The following ZBTB20 variants were observed in gnomAD, a reference collection of about 807,000 sequenced individuals.
The protein encoded by ZBTB20 is zinc finger and BTB domain containing 20, also known as zinc finger and BTB domain-containing protein 20.
Under a neutral mutation model 56.9 loss-of-function variants are expected in ZBTB20, and 9 were observed. That is an observed-to-expected ratio of 0.16 (90% confidence interval 0.10 to 0.28). The LOEUF (loss-of-function observed/expected upper bound fraction) is 0.28. Ranked by LOEUF, ZBTB20 falls within the 10% of genes least tolerant of loss-of-function variation. ZBTB20 has a pLI of 1.00. For synonymous variants in ZBTB20, 417 were observed against 420.7 expected, an observed-to-expected ratio of 0.99 and a Z score of 0.11; for missense variants, 655 against 1,003.0, an observed-to-expected ratio of 0.65 and a Z score of 4.69.
intron 3 of ZBTB20, among the ~76,000 whole-genome samples, chr3:114,941,611 T>C (rs1052131302): frequency 3.4e-5 from 5 of 146,338 alleles, no homozygotes; most frequent in Non-Finnish European, 7.4e-5. Context: ...AAAGACTCTA[T>C]AGCTTCTGGA....
At chr3:114,467,777 G>T (rs1390292273) in intron 7 of ZBTB20, among the ~76,000 whole-genome samples, 2 of 152,190 alleles carry the variant, frequency 1.3e-5, no homozygotes, top group African/African-American at 2.4e-5. Flanking sequence ...AAAGATAACT[G>T]AATTTTTATA....
chr3:114,630,038 G>A (rs1269991118), intron 6 of ZBTB20, among the ~76,000 whole-genome samples: 3 of 152,144 alleles, frequency 2.0e-5, no homozygotes, highest in Non-Finnish European at 2.9e-5. Context: ...TACTTGTGGG[G>A]CTGAGGTGAG....
rs763168827 is a variant in ZBTB20 at position 114,961,111 on chromosome 3, G to GT, written c.-456+13254dup. 7.5e-4 allele frequency among the ~76,000 whole-genome samples: 112 copies of GT among 148,724 alleles called. 1 individual carries two copies. Among genetic ancestry groups the GT allele is most frequent in the Admixed American group, 3.3e-3 (49 of 15,000 alleles). On this transcript the variant is annotated intron_variant, in intron 3 of 11. Coordinates refer to ENST00000675478, the MANE Select transcript of ZBTB20 (RefSeq NM_001348800.3). Reference sequence around the variant, plus strand: ...AAGAAATGTGAGTGTCCTTCTACAGGTAAAAAAAAAAAAAATACATGATAA... The same window carrying GT: ...AAGAAATGTGAGTGTCCTTCTACAGGTTAAAAAAAAAAAAAATACATGATAA...
intron 1 of ZBTB20, among the ~76,000 whole-genome samples, chr3:115,107,548 TG>T (rs1440613215): frequency 6.6e-6 from 1 of 152,206 alleles, no homozygotes; most frequent in Non-Finnish European, 1.5e-5. Context: ...TTTACACCAT[TG>T]GTGGGAATGT....
intron 7 of ZBTB20, among the ~76,000 whole-genome samples, chr3:114,440,887 T>C (rs1471427111): frequency 1.3e-5 from 2 of 152,186 alleles, no homozygotes; most frequent in African/African-American, 4.8e-5. Context: ...TGCTTTAACT[T>C]GGAACTATTC....
At chr3:114,778,351 A>G (rs2069791666) in intron 5 of ZBTB20, among the ~76,000 whole-genome samples, 1 of 150,980 alleles carries the variant, frequency 6.6e-6, no homozygotes, top group African/African-American at 2.4e-5. Context: ...CTCCATCTCA[A>G]AACAAAACAG....
chr3:114,323,296 C>T lies in ZBTB20; in HGVS notation c.*15709G>A, dbSNP rs1366182520. 5 of 152,340 alleles carry T rather than the reference C, an allele frequency of 3.3e-5. No homozygotes were observed. The East Asian group carries it at 9.6e-4, about 29-fold the overall frequency. The allele number at this position is 152,340 out of a possible 1,614,324, so 9.4% of individuals were successfully genotyped here. On this transcript the variant is annotated 3_prime_UTR_variant, in exon 12 of 12. Coordinates refer to ENST00000675478, the MANE Select transcript of ZBTB20 (RefSeq NM_001348800.3). The stretch of plus-strand genomic sequence containing the variant: ...GATGGAGCAGCTAGTATGTTCTAAT[C>T]CATCCTCCAATGTCCAAGTTGGCCT...
chr3:114,875,631 C>T (rs1267107400), intron 4 of ZBTB20, among the ~76,000 whole-genome samples: 3 of 152,028 alleles, frequency 2.0e-5, no homozygotes, highest in Non-Finnish European at 2.9e-5. Flanking sequence ...CTATATAACC[C>T]TCCCTTGTGT....
chr3:114,452,136 C>T (rs549702637), intron 7 of ZBTB20, among the ~76,000 whole-genome samples: 4 of 151,886 alleles, frequency 2.6e-5, no homozygotes, highest in African/African-American at 9.6e-5. Context: ...CAGCCCACAG[C>T]AACAAAAGAA....
chr3:114,400,998 GCTTCAATTGT>G (rs1447670679), intron 7 of ZBTB20, among the ~76,000 whole-genome samples: 1 of 151,514 alleles, frequency 6.6e-6, no homozygotes, highest in Non-Finnish European at 1.5e-5. Flanking sequence ...AAAAAACAGA[GCTTCAATTGT>G]CTTACATAAC....
intron 5 of ZBTB20, among the ~76,000 whole-genome samples, chr3:114,701,770 T>G (rs2063401046): frequency 6.6e-6 from 1 of 151,940 alleles, no homozygotes; most frequent in Non-Finnish European, 1.5e-5. Flanking sequence ...AAAGTCTCCA[T>G]GCCAATGATG....
intron 8 of ZBTB20, among the ~76,000 whole-genome samples, chr3:114,386,826 C>T (rs919829702): frequency 6.6e-6 from 1 of 152,100 alleles, no homozygotes; most frequent in African/African-American, 2.4e-5. Flanking sequence ...CTTATACTTT[C>T]AATTATACTT....
At chr3:114,813,146 T>C (rs2108886694) in intron 4 of ZBTB20, among the ~76,000 whole-genome samples, 1 of 152,276 alleles carries the variant, frequency 6.6e-6, no homozygotes, top group Admixed American at 6.5e-5. Context: ...GCCGCCAAAG[T>C]GGGAGCCCAG....
rs2083456130 is a variant in ZBTB20, at chr3:114,375,105, C to G, written c.199+5112G>C. Among the ~76,000 whole-genome samples the G allele has an allele frequency of 3.3e-5, 5 of 152,280 alleles. No individual in the cohort carries two copies. The South Asian group carries it at 1.0e-3, about 32-fold the overall frequency. On this transcript the variant is annotated intron_variant, in intron 10 of 11. Transcript: ENST00000675478. Reference sequence around the variant, plus strand: ...AAATATCATATGCAACCAAACTGAACAAAAAGAAATACACAACAGGAGACA... The same window carrying G: ...AAATATCATATGCAACCAAACTGAAGAAAAAGAAATACACAACAGGAGACA...
chr3:115,113,177 T>C (rs2083927366), intron 1 of ZBTB20, among the ~76,000 whole-genome samples: 1 of 152,246 alleles, frequency 6.6e-6, no homozygotes, highest in Admixed American at 6.5e-5. Context: ...GAGTTCCTTA[T>C]ATATTCTGGT....
chr3:115,080,383 C>T (rs1326797887), intron 1 of ZBTB20, among the ~76,000 whole-genome samples: 3 of 152,094 alleles, frequency 2.0e-5, no homozygotes, highest in African/African-American at 4.8e-5. Flanking sequence ...AACTCAAATC[C>T]ACCTTGGGCT....
At chr3:114,967,817 C>T (rs563039093) in intron 3 of ZBTB20, among the ~76,000 whole-genome samples, 1 of 151,886 alleles carries the variant, frequency 6.6e-6, no homozygotes, top group Non-Finnish European at 1.5e-5. Context: ...ATTAGCCAGG[C>T]GTGGTGGCGG....
intron 7 of ZBTB20, among the ~76,000 whole-genome samples, chr3:114,490,684 C>T (rs2042645277): frequency 6.6e-6 from 1 of 152,170 alleles, no homozygotes; most frequent in South Asian, 2.1e-4. Flanking sequence ...CAATACCATA[C>T]TTCAAGTAGA....
intron 1 of ZBTB20, among the ~76,000 whole-genome samples, chr3:115,106,152 T>C (rs1329136765): frequency 2.0e-5 from 3 of 151,950 alleles, no homozygotes; most frequent in Non-Finnish European, 4.4e-5. Flanking sequence ...AAATGAGTAA[T>C]TGCTACGCTA....
Sources: allele counts gnomAD v4.1 joint callset (sites outside exome capture counted in the v4.1 genomes callset), GRCh38; gene constraint gnomAD v4.1.1; transcripts MANE v1.5; gene names NCBI Gene and HGNC (gene_info 2026-07-23, HGNC 2026-07-21).